FBXL17: variants seen among roughly 807,000 people sequenced by gnomAD.
FBXL17 encodes F-box and leucine rich repeat protein 17, also known as F-box/LRR-repeat protein 17.
A neutral mutation model predicts 66.2 loss-of-function variants in FBXL17; 22 were observed. That is an observed-to-expected ratio of 0.33 (90% CI 0.24 to 0.47). The LOEUF is 0.47. FBXL17 is among the 20% of genes least tolerant of loss of function. The pLI is 1.00. For synonymous variants in FBXL17, 474 were observed against 400.5 expected (o/e 1.18, Z -2.19); for missense variants, 878 against 948.2 (o/e 0.93, Z 0.97).
chr5:107,978,708 T>A (rs1464458041), intron 7 of FBXL17, among the ~76,000 whole-genome samples: 1 of 152,128 alleles, frequency 6.6e-6, no homozygotes, highest in Non-Finnish European at 1.5e-5. Context: ...CCCCATTCCC[T>A]ACCCCACTGC....
chr5:108,198,297 C>A (rs1753759959), intron 5 of FBXL17, among the ~76,000 whole-genome samples: 1 of 152,050 alleles, frequency 6.6e-6, no homozygotes, highest in South Asian at 2.1e-4. Flanking sequence ...ATACATAATT[C>A]TCCCCCAACC....
intron 4 of FBXL17, among the ~76,000 whole-genome samples, chr5:108,322,259 T>C (rs1460632091): frequency 2.0e-5 from 3 of 152,002 alleles, no homozygotes; most frequent in Non-Finnish European, 4.4e-5. Flanking sequence ...ATTTATTTAA[T>C]TGCAAAACAG....
rs1014175437 is a variant in FBXL17 at position 107,886,181 on chromosome 5, T to G, written c.1823-5002A>C. ...GTAAATTTGTCACAGGAGTATGAGTTAGGAATTCAGTAACTACTCTGTGTA... is the reference window on the plus strand; with the variant it reads ...GTAAATTTGTCACAGGAGTATGAGTGAGGAATTCAGTAACTACTCTGTGTA... On this transcript the variant is annotated intron_variant, in intron 7 of 8. Transcript: ENST00000542267. Among the ~76,000 whole-genome samples the G allele has an allele frequency of 3.9e-5, 6 of 152,154 alleles. 1 individual carries two copies. The highest frequency in any genetic ancestry group is 1.4e-4 in the African/African-American group (6 of 41,446).
chr5:107,986,490 G>C (rs565390285), intron 7 of FBXL17, among the ~76,000 whole-genome samples: 7 of 151,696 alleles, frequency 4.6e-5, no homozygotes, highest in African/African-American at 1.7e-4. Flanking sequence ...TGCAATGTAA[G>C]ATTGCAAGTA....
intron 6 of FBXL17, among the ~76,000 whole-genome samples, chr5:108,167,363 G>T (rs1752451618): frequency 6.6e-6 from 1 of 152,148 alleles, no homozygotes; most frequent in Non-Finnish European, 1.5e-5. Flanking sequence ...AATGATTCAT[G>T]CTCAAGGTGC....
At chr5:108,250,231 A>C (rs985625197) in intron 4 of FBXL17, among the ~76,000 whole-genome samples, 1 of 152,154 alleles carries the variant, frequency 6.6e-6, no homozygotes, top group Non-Finnish European at 1.5e-5. Flanking sequence ...GAATGGGGCC[A>C]ACGTCTCTTG....
At chr5:108,354,936 A>C (rs1747878618) in intron 3 of FBXL17, among the ~76,000 whole-genome samples, 1 of 152,076 alleles carries the variant, frequency 6.6e-6, no homozygotes. Flanking sequence ...TTATCTTTCA[A>C]AAGTGAAGGA....
At position 108,381,302 on chromosome 5, in the gene FBXL17, AGCGGCGGCGGCG is replaced by A. The variant is rs754351405; in HGVS notation, c.378_389del (p.Ala129_Ala132del). On this transcript the variant is annotated inframe_deletion, in exon 1 of 9. Transcript: ENST00000542267. Reference sequence around the variant, plus strand: ...AGGCGGGCGACGAAGCCGAGGCGGCAGCGGCGGCGGCGGCGGCGGCCGAGGATAGCAGGAAGC... The same window carrying A: ...AGGCGGGCGACGAAGCCGAGGCGGCAGCGGCGGCCGAGGATAGCAGGAAGC... 7 of 1,400,936 alleles carry A rather than the reference AGCGGCGGCGGCG, an allele frequency of 5.0e-6. No homozygotes were observed. The highest frequency in any genetic ancestry group is 5.5e-6 in the Non-Finnish European group (6 of 1,082,342). The allele number at this position is 1,400,936 out of a possible 1,614,324, so 86.8% of individuals were successfully genotyped here.
intron 4 of FBXL17, among the ~76,000 whole-genome samples, chr5:108,273,295 T>C (rs1757351242): frequency 6.6e-6 from 1 of 151,944 alleles, no homozygotes; most frequent in African/African-American, 2.4e-5. Context: ...CATATGTAAC[T>C]AACCTGCACA....
Position 108,318,460 on chromosome 5 carries a change from G to GA in FBXL17, c.1506+29938dup, listed in dbSNP as rs977022194. On this transcript the variant is annotated intron_variant, in intron 4 of 8. Transcript: ENST00000542267. Reference sequence around the variant, plus strand: ...ATACTGTTAAAAAACATGTATACAGGAAAAAAAAGTTCCTCAACAACCAAT... The same window carrying GA: ...ATACTGTTAAAAAACATGTATACAGGAAAAAAAAAGTTCCTCAACAACCAAT... 6.6e-5 allele frequency among the ~76,000 whole-genome samples: 10 copies of GA among 151,404 alleles called. No individual in the cohort carries two copies. In the South Asian group the frequency reaches 1.5e-3, roughly 22 times the overall value.
chr5:107,875,347 A>G (rs541988552), intron 8 of FBXL17, among the ~76,000 whole-genome samples: 6 of 152,088 alleles, frequency 3.9e-5, no homozygotes, highest in Non-Finnish European at 8.8e-5. Flanking sequence ...ACAGAGTCCT[A>G]TATTATTTTC....
At chr5:108,135,805 T>A (rs577646559) in intron 6 of FBXL17, among the ~76,000 whole-genome samples, 1 of 152,250 alleles carries the variant, frequency 6.6e-6, no homozygotes, top group South Asian at 2.1e-4. Context: ...AACTTTATAA[T>A]AAGTTGGACA....
chr5:108,264,542 T>G (rs1218070700), intron 4 of FBXL17, among the ~76,000 whole-genome samples: 1 of 152,200 alleles, frequency 6.6e-6, no homozygotes, highest in East Asian at 1.9e-4. Context: ...TATTTCAATT[T>G]TTTAAATGTA....
intron 5 of FBXL17, among the ~76,000 whole-genome samples, chr5:108,196,558 T>A (rs1465813964): frequency 1.3e-5 from 2 of 152,184 alleles, no homozygotes; most frequent in Admixed American, 1.3e-4. Context: ...GTGTCACCAG[T>A]GCTTAACACA....
At chr5:108,083,250 C>CACACACACACACACACACAG (rs369652150) in intron 6 of FBXL17, among the ~76,000 whole-genome samples, 8 of 145,582 alleles carry the variant, frequency 5.5e-5, no homozygotes, top group South Asian at 4.5e-4. Context: ...CACACACACA[C>CACACACACACACACACACAG]AGAGAGAGAG....
intron 4 of FBXL17, among the ~76,000 whole-genome samples, chr5:108,270,277 T>G (rs908297086): frequency 2.6e-5 from 4 of 151,874 alleles, no homozygotes; most frequent in East Asian, 1.9e-4. Flanking sequence ...TACAAAAAAG[T>G]GAAGGCGATC....
intron 4 of FBXL17, among the ~76,000 whole-genome samples, chr5:108,307,964 G>C (rs955318811): frequency 6.6e-6 from 1 of 151,936 alleles, no homozygotes; most frequent in African/African-American, 2.4e-5. Flanking sequence ...AGTGTGTAAC[G>C]GAAAACATAA....
chr5:107,885,949 T>A (rs77030398), intron 7 of FBXL17, among the ~76,000 whole-genome samples: 8 of 149,328 alleles, frequency 5.4e-5, no homozygotes, highest in Admixed American at 6.7e-5. Context: ...CTTCCCAAAA[T>A]AAAAAAAAAA....
chr5:108,268,178 T>C (rs533713261), intron 4 of FBXL17, among the ~76,000 whole-genome samples: 1 of 152,030 alleles, frequency 6.6e-6, no homozygotes, highest in Admixed American at 6.6e-5. Context: ...AGCTACATGA[T>C]CCATAAAGTG....
Sources: gnomAD v4.1 joint callset for allele counts (sites outside exome capture counted in the v4.1 genomes callset) on GRCh38, gnomAD v4.1.1 for gene constraint, MANE v1.5 for transcripts, NCBI Gene and HGNC (gene_info 2026-07-23, HGNC 2026-07-21) for gene names.